The following CLASP1 variants were observed in gnomAD, a reference collection of about 807,000 sequenced individuals.
CLASP1 encodes the protein CLIP-associating protein 1.
CLASP1 carries 38 observed loss-of-function variants against 192.3 expected under a neutral mutation model. That is an observed-to-expected ratio of 0.20 (90% CI 0.15 to 0.26). CLASP1 has a LOEUF of 0.26. Among genes scored for constraint, CLASP1 ranks in the 10% least tolerant of loss-of-function variants. The pLI is 1.00. For synonymous variants in CLASP1, 691 were observed against 712.8 expected (o/e 0.97, Z 0.49); for missense variants, 1,433 against 1,932.5 (o/e 0.74, Z 4.85).
chr2:121,425,348 G>A (rs779563324), intron 21 of CLASP1, 42 bp from the exon 22 acceptor site: 2 of 1,575,524 alleles, frequency 1.3e-6, no homozygotes, highest in Non-Finnish European at 1.7e-6. Context: ...AGATGTAAAT[G>A]TAGGAATGAA....
At chr2:121,409,229 T>C (rs1429313141) in intron 24 of CLASP1, among the ~76,000 whole-genome samples, 2 of 152,220 alleles carry the variant, frequency 1.3e-5, no homozygotes, top group African/African-American at 4.8e-5. Flanking sequence ...CAAAATGGCA[T>C]TTCCTAACCC....
intron 1 of CLASP1, among the ~76,000 whole-genome samples, chr2:121,610,097 A>C (rs949392767): frequency 6.6e-6 from 1 of 152,252 alleles, no homozygotes. Flanking sequence ...ATAAAAAGAG[A>C]AATCAAAAAA....
At chr2:121,451,848 G>A (rs1472982745) in exon 15 of CLASP1, 5 of 1,560,020 alleles carry the variant, frequency 3.2e-6, no homozygotes, top group Non-Finnish European at 4.3e-6. Flanking sequence ...TCAAAACAGC[G>A]CCTAAAAAGT....
At chr2:121,478,979 C>T (rs1575286813) in intron 8 of CLASP1, among the ~76,000 whole-genome samples, 7 of 72,596 alleles carry the variant, frequency 9.6e-5, no homozygotes, top group African/African-American at 4.2e-4. Flanking sequence ...ACACCACACA[C>T]ACACCACACA....
intron 8 of CLASP1, among the ~76,000 whole-genome samples, chr2:121,482,062 G>A (rs949494745): frequency 6.6e-6 from 1 of 152,178 alleles, no homozygotes; most frequent in Non-Finnish European, 1.5e-5. Context: ...CCCGTACTAC[G>A]TGGGTCCATT....
At chr2:121,429,587 G>T (rs1227138804) in intron 20 of CLASP1, among the ~76,000 whole-genome samples, 1 of 152,214 alleles carries the variant, frequency 6.6e-6, no homozygotes, top group East Asian at 1.9e-4. Context: ...AAGCAGCTAG[G>T]CAAAGCAAGA....
chr2:121,480,627 T>C lies in CLASP1; in HGVS notation c.713-10667A>G, dbSNP rs572442941. ...AAGAAAATGAAGAGAGATAGGCTTC[T>C]GTTTCCCTGTGTGAAAAAGGATGAT... On this transcript the variant is annotated intron_variant, in intron 8 of 39. Coordinates refer to ENST00000263710, the Ensembl canonical transcript of CLASP1. Among the ~76,000 whole-genome samples the C allele has an allele frequency of 5.3e-5, 8 of 152,342 alleles. No individual in the cohort carries two copies. In the East Asian group the frequency reaches 5.8e-4, roughly 11 times the overall value.
chr2:121,348,413 G>T, intron 38 of CLASP1, 99 bp downstream of exon 39: 1 of 1,110,026 alleles, frequency 9.0e-7, no homozygotes, highest in Non-Finnish European at 1.3e-6. Context: ...TTTCCTACCC[G>T]TCCCTGCCAG....
At chr2:121,527,960 A>G (rs1010346422) in intron 4 of CLASP1, 70 bp from the exon 5 acceptor site, 1 of 1,278,056 alleles carries the variant, frequency 7.8e-7, no homozygotes, top group South Asian at 1.2e-5. Context: ...AGGGAGCAAT[A>G]GAAGGCAAGC....
At chr2:121,480,874 T>C (rs879808597) in intron 8 of CLASP1, among the ~76,000 whole-genome samples, 1 of 152,214 alleles carries the variant, frequency 6.6e-6, no homozygotes, top group Non-Finnish European at 1.5e-5. Flanking sequence ...CCTGGAGCTG[T>C]TGGAGCCAAC....
At chr2:121,609,498 G>C (rs1250762507) in intron 1 of CLASP1, among the ~76,000 whole-genome samples, 1 of 152,136 alleles carries the variant, frequency 6.6e-6, no homozygotes, top group Non-Finnish European at 1.5e-5. Context: ...TTATTAAACT[G>C]ATGTTTTTGG....
rs180900738 is a variant in CLASP1, at chr2:121,501,537, G to A, written c.712+1630C>T. The stretch of plus-strand genomic sequence containing the variant: ...GGAAAATGAACTAAGAAAATATAGC[G>A]AAAATGATTTTTGATGGTAATAGCT... On this transcript the variant is annotated intron_variant, in intron 8 of 39. Coordinates refer to ENST00000263710, the Ensembl canonical transcript of CLASP1. 1.1e-4 allele frequency among the ~76,000 whole-genome samples: 16 copies of A among 152,202 alleles called. No homozygotes were observed. In the East Asian group the frequency reaches 1.2e-3, roughly 11 times the overall value.
At chr2:121,505,258 T>C (rs1247804844) in intron 7 of CLASP1, 1 of 152,206 alleles carries the variant, frequency 6.6e-6, no homozygotes, top group Non-Finnish European at 1.5e-5. Context: ...TTCTAAATGG[T>C]AATTGTGTAC....
At chr2:121,392,759 G>A (rs1462714247) in intron 30 of CLASP1, among the ~76,000 whole-genome samples, 1 of 152,126 alleles carries the variant, frequency 6.6e-6, no homozygotes, top group African/African-American at 2.4e-5. Flanking sequence ...ATTAAGAAAG[G>A]TCTAGTGTAC....
chr2:121,489,544 G>C (rs533426053), intron 8 of CLASP1, among the ~76,000 whole-genome samples: 1 of 152,252 alleles, frequency 6.6e-6, no homozygotes, highest in South Asian at 2.1e-4. Context: ...GAGTCTGCCA[G>C]CAAAACCACT....
chr2:121,582,454 GAGAA>G (rs575291933), intron 2 of CLASP1, among the ~76,000 whole-genome samples: 60 of 150,078 alleles, frequency 4.0e-4, no homozygotes, highest in Admixed American at 8.7e-4. Context: ...GAGGAAGAGA[GAGAA>G]AGAAAGATAC....
At chr2:121,398,437 A>C (rs1341450391) in intron 28 of CLASP1, 37 bp from the exon 30 acceptor site, 1 of 1,334,106 alleles carries the variant, frequency 7.5e-7, no homozygotes, top group Non-Finnish European at 1.0e-6. Flanking sequence ...TTTTTAAAGA[A>C]ATTTATTACA....
intron 23 of CLASP1, among the ~76,000 whole-genome samples, chr2:121,415,787 C>G (rs1357880446): frequency 2.0e-5 from 3 of 152,174 alleles, no homozygotes; most frequent in Admixed American, 2.0e-4. Flanking sequence ...AACGCTCTCA[C>G]ATTCAGTCAT....
At chr2:121,409,115 G>T in intron 24 of CLASP1, 1 of 1,326,524 alleles carries the variant, frequency 7.5e-7, no homozygotes, top group South Asian at 1.3e-5. Flanking sequence ...CATATGTAGG[G>T]ATTGTTCTTG....
Sources: gnomAD v4.1 joint callset for allele counts (sites outside exome capture counted in the v4.1 genomes callset) on GRCh38, gnomAD v4.1.1 for gene constraint, MANE v1.5 for transcripts, NCBI Gene and HGNC (gene_info 2026-07-23, HGNC 2026-07-21) for gene names.